Variants in CHST11 observed in about 807,000 individuals in gnomAD.
The protein encoded by CHST11 is carbohydrate sulfotransferase 11, also known as C4S-1.
In CHST11, 9 loss-of-function variants were observed where a neutral mutation model predicts 30.4. The observed-to-expected ratio is 0.30, with a 90% CI of 0.18 to 0.52. CHST11 has a LOEUF of 0.52. Ranked by LOEUF, CHST11 falls within the 20% of genes least tolerant of loss-of-function variation. The pLI is 0.97. For synonymous variants in CHST11, 152 were observed against 187.8 expected (o/e 0.81, Z 1.56); for missense variants, 348 against 460.6 (o/e 0.76, Z 2.24).
At chr12:104,582,954 A>G (rs2038761636) in intron 1 of CHST11, among the ~76,000 whole-genome samples, 1 of 151,864 alleles carries the variant, frequency 6.6e-6, no homozygotes, top group African/African-American at 2.4e-5. Flanking sequence ...CAGACATGCA[A>G]ATAGCTTCAT....
intron 1 of CHST11, among the ~76,000 whole-genome samples, chr12:104,541,126 TCTCTC>T (rs1257482296): frequency 7.7e-6 from 1 of 130,636 alleles, no homozygotes; most frequent in Admixed American, 7.7e-5. Context: ...TCTCTCTCTC[TCTCTC>T]ACACACACAC....
At chr12:104,604,657 T>C (rs1566004489) in intron 2 of CHST11, among the ~76,000 whole-genome samples, 1 of 152,186 alleles carries the variant, frequency 6.6e-6, no homozygotes, top group Admixed American at 6.5e-5. Context: ...CCAGCCAAGC[T>C]GTTGAAGCTG....
chr12:104,601,533 C>T (rs953434278), intron 1 of CHST11, among the ~76,000 whole-genome samples: 6 of 152,172 alleles, frequency 3.9e-5, no homozygotes, highest in Non-Finnish European at 7.4e-5. Flanking sequence ...GAGAAGTCTG[C>T]GGAATCTTAA....
intron 2 of CHST11, among the ~76,000 whole-genome samples, chr12:104,699,961 T>C (rs923853310): frequency 1.3e-5 from 2 of 152,228 alleles, no homozygotes; most frequent in African/African-American, 4.8e-5. Context: ...CTAGGAACAG[T>C]CCTGCCCACT....
chr12:104,735,431 C>T (rs1056506863), intron 2 of CHST11, among the ~76,000 whole-genome samples: 4 of 152,114 alleles, frequency 2.6e-5, no homozygotes, highest in African/African-American at 9.7e-5. Context: ...AATAATACCA[C>T]GTTCTATAAG....
At chr12:104,612,628 C>T (rs115454566) in intron 2 of CHST11, among the ~76,000 whole-genome samples, 75 of 152,252 alleles carry the variant, frequency 4.9e-4, no homozygotes, top group African/African-American at 1.8e-3. Flanking sequence ...CTGTGTGTGT[C>T]GTGTTCTGCT....
intron 1 of CHST11, among the ~76,000 whole-genome samples, chr12:104,573,392 G>A (rs369463407): frequency 1.3e-4 from 20 of 152,056 alleles, no homozygotes; most frequent in Middle Eastern, 6.8e-3. Flanking sequence ...AAAAGAGCCC[G>A]CATTGCCAAG....
At position 104,757,303 on chromosome 12, in the gene CHST11, G is replaced by A. The variant is rs2040486456; in HGVS notation, c.559G>A (p.Glu187Lys). 6.2e-7 allele frequency: 1 copy of A among 1,613,932 alleles called. No homozygotes were observed. The highest frequency in any genetic ancestry group is 8.5e-7 in the Non-Finnish European group (1 of 1,180,036). Residue 187 changes from glutamate (E) to lysine (K), a missense_variant, in exon 3 of 3, where the codon GAG becomes AAG. Glu to Lys is a moderately conservative substitution (Grantham distance 56). Around this residue, in one of 3 missense-constraint regions of CHST11, gnomAD observed 210 missense variants for 287.2 expected, o/e 0.73. Coordinates refer to ENST00000303694, the MANE Select transcript of CHST11 (RefSeq NM_018413.6). This position sits in a 1 kb window ranked among gnomAD's most constrained non-coding sequence, Gnocchi z 6.5. ...KSYMKFLFVR[E>K]PFERLVSAYR... ...CTACATGAAGTTCCTGTTTGTCCGGGAGCCCTTCGAGAGGCTAGTGTCCGC... is the reference window on the plus strand; with the variant it reads ...CTACATGAAGTTCCTGTTTGTCCGGAAGCCCTTCGAGAGGCTAGTGTCCGC...
chr12:104,474,497 A>G (rs1161240568), intron 1 of CHST11, among the ~76,000 whole-genome samples: 1 of 152,210 alleles, frequency 6.6e-6, no homozygotes, highest in African/African-American at 2.4e-5. Flanking sequence ...TTCAAGGCTT[A>G]TGCTGACTTT....
intron 2 of CHST11, among the ~76,000 whole-genome samples, chr12:104,660,194 A>G (rs7969218): frequency 0.095 from 14,404 of 152,206 alleles, 718 homozygotes; most frequent in South Asian, 0.15. Flanking sequence ...CTCAGAAAAT[A>G]CTTGTTGATG....
chr12:104,708,504 A>G (rs1209533026), intron 2 of CHST11, among the ~76,000 whole-genome samples: 1 of 152,134 alleles, frequency 6.6e-6, no homozygotes, highest in Non-Finnish European at 1.5e-5. Flanking sequence ...GATCCTGGTG[A>G]GGAGGAAACA....
intron 1 of CHST11, among the ~76,000 whole-genome samples, chr12:104,568,409 A>T (rs965834999): frequency 1.3e-5 from 2 of 152,066 alleles, no homozygotes; most frequent in African/African-American, 4.8e-5. Context: ...AACAGAGGAG[A>T]CTGCAGCAGC....
At chr12:104,609,385 A>G (rs994714553) in intron 2 of CHST11, among the ~76,000 whole-genome samples, 1 of 152,240 alleles carries the variant, frequency 6.6e-6, no homozygotes, top group East Asian at 1.9e-4. Context: ...CTTCATTATT[A>G]ATTGCAAATT....
intron 1 of CHST11, among the ~76,000 whole-genome samples, chr12:104,580,736 T>C (rs12316446): frequency 0.022 from 3,414 of 152,206 alleles, 108 homozygotes; most frequent in East Asian, 0.089. Context: ...CATACTTCAG[T>C]TGGAAGGAAG....
chr12:104,600,605 G>A lies in CHST11; in HGVS notation c.119-1301G>A, dbSNP rs961058612. On this transcript the variant is annotated intron_variant, in intron 1 of 2. Coordinates refer to ENST00000303694, the MANE Select transcript of CHST11 (RefSeq NM_018413.6). The surrounding 1 kb of genome is among the most constrained non-coding windows in gnomAD (Gnocchi z 4.1). ...AGACAAAGAAGCAGAGACACAGAGA[G>A]GTTAGGTAGTTTCCTTAAGGTCACA... 2.0e-5 allele frequency among the ~76,000 whole-genome samples: 3 copies of A among 152,204 alleles called. No individual in the cohort carries two copies. Among genetic ancestry groups the A allele is most frequent in the African/African-American group, 7.2e-5 (3 of 41,444 alleles).
rs78623607 is a variant in CHST11, at chr12:104,725,027, G to A, written c.205-31922G>A. 7.6e-4 allele frequency among the ~76,000 whole-genome samples: 116 copies of A among 152,192 alleles called. No individual in the cohort carries two copies. The East Asian group carries it at 0.019, about 25-fold the overall frequency. On this transcript the variant is annotated intron_variant, in intron 2 of 2. Transcript: ENST00000303694. ...GGTGCTTTAGGGCTGGAAGTGGGTG[G>A]TAGAGTGTCAGCCTTGCGAGCCCCA...
At chr12:104,623,812 G>A (rs1189832134) in intron 2 of CHST11, among the ~76,000 whole-genome samples, 1 of 152,152 alleles carries the variant, frequency 6.6e-6, no homozygotes, top group Non-Finnish European at 1.5e-5. Flanking sequence ...AATCAGGAAA[G>A]GGTTATTTAA....
intron 1 of CHST11, among the ~76,000 whole-genome samples, chr12:104,557,110 A>G (rs1565985989): frequency 6.6e-6 from 1 of 152,208 alleles, no homozygotes; most frequent in Non-Finnish European, 1.5e-5. Context: ...CCCTGTTTCC[A>G]AATAAGGTCA....
At chr12:104,625,397 C>T (rs1480917216) in intron 2 of CHST11, among the ~76,000 whole-genome samples, 7 of 152,140 alleles carry the variant, frequency 4.6e-5, no homozygotes, top group African/African-American at 1.7e-4. Context: ...CTCTGCCTCC[C>T]GGGTTCAAGC....
Sources: gnomAD v4.1 joint callset for allele counts (sites outside exome capture counted in the v4.1 genomes callset) on GRCh38, gnomAD v4.1.1 for gene constraint, gnomAD v4.1.1 regional missense constraint, Gnocchi (gnomAD v3.1) non-coding constraint, MANE v1.5 for transcripts, NCBI Gene and HGNC (gene_info 2026-07-23, HGNC 2026-07-21) for gene names.